The following SYNPO variants were observed in gnomAD, a reference collection of about 807,000 sequenced individuals.
The protein encoded by SYNPO is synaptopodin.
Under a neutral mutation model 49.5 loss-of-function variants are expected in SYNPO, and 19 were observed. That is an observed-to-expected ratio of 0.38 (90% confidence interval 0.27 to 0.56). SYNPO has a LOEUF of 0.56. Among genes scored for constraint, SYNPO ranks in the 20% least tolerant of loss-of-function variants. The pLI is 0.68. For synonymous variants in SYNPO, 536 were observed against 548.0 expected (o/e 0.98, Z 0.31); for missense variants, 1,131 against 1,248.3 (o/e 0.91, Z 1.42).
chr5:150,596,146 C>T (rs1364886302), upstream of SYNPO, among the ~76,000 whole-genome samples: 2 of 152,146 alleles, frequency 1.3e-5, no homozygotes, highest in African/African-American at 4.8e-5. Flanking sequence ...TGAGAGCCTC[C>T]CCCAACCACA....
chr5:150,624,875 C>T (rs866536986), intron 2 of SYNPO: 99 of 985,058 alleles, frequency 1.0e-4, no homozygotes, highest in Non-Finnish European at 1.1e-4. Flanking sequence ...CGGCGGCGCC[C>T]GGGAGCTCGG....
chr5:150,626,740 C>T (rs1581476744), intron 2 of SYNPO, among the ~76,000 whole-genome samples: 1 of 152,110 alleles, frequency 6.6e-6, no homozygotes, highest in African/African-American at 2.4e-5. Context: ...ATCCAGTATC[C>T]GATTTTAGAA....
intron 2 of SYNPO, among the ~76,000 whole-genome samples, chr5:150,629,051 C>T (rs976692854): frequency 2.0e-5 from 3 of 152,122 alleles, no homozygotes; most frequent in Non-Finnish European, 4.4e-5. Flanking sequence ...CAGAGTCTGA[C>T]TCGGCCACCC....
At chr5:150,644,555 G>T (rs1174054326) in intron 1 of SYNPO, among the ~76,000 whole-genome samples, 1 of 152,196 alleles carries the variant, frequency 6.6e-6, no homozygotes, top group African/African-American at 2.4e-5. Flanking sequence ...GTCCACCTGG[G>T]CTTCATGGCA....
At chr5:150,646,572 A>C (rs1758100698) in intron 1 of SYNPO, among the ~76,000 whole-genome samples, 1 of 151,974 alleles carries the variant, frequency 6.6e-6, no homozygotes, top group South Asian at 2.1e-4. Flanking sequence ...AAAAAATACA[A>C]AAATTAGCTG....
the SYNPO span, among the ~76,000 whole-genome samples, chr5:150,592,580 C>T: frequency 3.3e-5 from 5 of 152,194 alleles, no homozygotes; most frequent in Admixed American, 2.6e-4. Flanking sequence ...GAAATTCTGA[C>T]GGCTCCATGC....
intron 2 of SYNPO, among the ~76,000 whole-genome samples, chr5:150,632,053 A>G (rs572658429): frequency 9.1e-4 from 138 of 152,268 alleles, no homozygotes; most frequent in African/African-American, 3.2e-3. Flanking sequence ...CCCTGGAGCC[A>G]AAACCCCGGG....
Position 150,632,355 on chromosome 5 carries a change from C to T in SYNPO, c.400+13588C>T, listed in dbSNP as rs537451871. 3.3e-4 allele frequency among the ~76,000 whole-genome samples: 51 copies of T among 152,262 alleles called. 1 individual carries two copies. Among genetic ancestry groups the T allele is most frequent in the African/African-American group, 1.2e-3 (48 of 41,534 alleles). On this transcript the variant is annotated intron_variant, in intron 2 of 2. Coordinates refer to the SYNPO transcript ENST00000394243. Reference sequence around the variant, plus strand: ...AATTATGAGAAGCGCTATTCTAGGTCAGTTATTTTTAAACTTAAGATAAAT... The same window carrying T: ...AATTATGAGAAGCGCTATTCTAGGTTAGTTATTTTTAAACTTAAGATAAAT...
rs778612914 is a variant in SYNPO at position 150,618,401 on chromosome 5, G to A, written c.34G>A (p.Ala12Thr). The change falls in exon 2 of 3, where the codon GCA becomes ACA. Residue 12 changes from alanine to threonine, a missense_variant. Ala to Thr is a moderately conservative substitution (Grantham distance 58). Transcript: ENST00000394243. ...TCCTCACCTCCCACCTCCGCCCCTT[G>A]CACCCAGCGAAGGGAGGCCTACCCC... is the stretch of plus-strand genomic sequence containing the variant. The A allele has an allele frequency of 5.4e-5, 83 of 1,551,318 alleles. 1 individual carries two copies. Among genetic ancestry groups the A allele is most frequent in the Non-Finnish European group, 3.5e-6 (4 of 1,146,958 alleles).
intron 1 of SYNPO, among the ~76,000 whole-genome samples, chr5:150,606,637 A>C (rs1756700927): frequency 6.6e-6 from 1 of 152,228 alleles, no homozygotes; most frequent in South Asian, 2.1e-4. Flanking sequence ...GTGGAGCAGC[A>C]ACATGATTTT....
At chr5:150,656,100 T>C (rs931849277) in intron 2 of SYNPO, among the ~76,000 whole-genome samples, 2 of 152,244 alleles carry the variant, frequency 1.3e-5, no homozygotes, top group African/African-American at 4.8e-5. Context: ...CACCCCATTT[T>C]ACAGAAGCAG....
At chr5:150,620,399 G>A (rs1253180101) in intron 2 of SYNPO, among the ~76,000 whole-genome samples, 1 of 152,098 alleles carries the variant, frequency 6.6e-6, no homozygotes, top group Non-Finnish European at 1.5e-5. Context: ...ATTTAACCTC[G>A]TAGCAATCCC....
chr5:150,593,103 A>G, the SYNPO span, among the ~76,000 whole-genome samples: 1 of 152,202 alleles, frequency 6.6e-6, no homozygotes, highest in Non-Finnish European at 1.5e-5. Context: ...GTCTGAATAG[A>G]CATACTTCTT....
At chr5:150,626,594 C>T (rs1056568348) in intron 2 of SYNPO, among the ~76,000 whole-genome samples, 2 of 152,200 alleles carry the variant, frequency 1.3e-5, no homozygotes, top group African/African-American at 4.8e-5. Context: ...AGGCCTTTAA[C>T]TCCTTCCCTC....
At chr5:150,590,906 C>G in the SYNPO span, among the ~76,000 whole-genome samples, 1 of 152,166 alleles carries the variant, frequency 6.6e-6, no homozygotes, top group Non-Finnish European at 1.5e-5. Flanking sequence ...CCGTCCTCAG[C>G]CCAGTCCTGG....
At chr5:150,625,479 C>T (rs191900497) in intron 2 of SYNPO, among the ~76,000 whole-genome samples, 1 of 152,338 alleles carries the variant, frequency 6.6e-6, no homozygotes, top group African/African-American at 2.4e-5. Context: ...CAGTCACACC[C>T]TGGGGACCAC....
chr5:150,635,367 G>T (rs1757681233), intron 2 of SYNPO, among the ~76,000 whole-genome samples: 1 of 152,228 alleles, frequency 6.6e-6, no homozygotes, highest in Non-Finnish European at 1.5e-5. Context: ...GCATTAAGAG[G>T]CTACTGAGAA....
At chr5:150,628,061 T>TGTGTGTGTGTGG (rs1757420616) in intron 2 of SYNPO, among the ~76,000 whole-genome samples, 1 of 149,360 alleles carries the variant, frequency 6.7e-6, no homozygotes, top group African/African-American at 2.5e-5. Context: ...TGTGTGTGTG[T>TGTGTGTGTGTGG]GTGTGGTCAG....
chr5:150,595,721 G>T, the SYNPO span, among the ~76,000 whole-genome samples: 1 of 152,168 alleles, frequency 6.6e-6, no homozygotes, highest in African/African-American at 2.4e-5. Flanking sequence ...GCGATAAGGC[G>T]CCTAGACATG....
Sources: allele counts gnomAD v4.1 joint callset (sites outside exome capture counted in the v4.1 genomes callset), GRCh38; gene constraint gnomAD v4.1.1; transcripts MANE v1.5; gene names NCBI Gene and HGNC (gene_info 2026-07-23, HGNC 2026-07-21).